TRIO: variants seen among roughly 807,000 people sequenced by gnomAD.
The protein encoded by TRIO is trio Rho guanine nucleotide exchange factor.
TRIO carries 58 observed loss-of-function variants against 351.9 expected under a neutral mutation model. The observed-to-expected ratio is 0.16, with a 90% confidence interval of 0.13 to 0.21. The LOEUF (loss-of-function observed/expected upper bound fraction) is 0.21. Ranked by LOEUF, TRIO falls within the 10% of genes least tolerant of loss-of-function variation. The probability of loss-of-function intolerance (pLI) is 1.00; values close to 1 mark genes in which losing one functional copy is unlikely to be tolerated. For missense variants in TRIO, 3,201 were observed against 4,027.8 expected, an observed-to-expected ratio of 0.79 and a Z score of 5.56; for synonymous variants, 1,758 against 1,595.7, an observed-to-expected ratio of 1.10 and a Z score of -2.42.
intron 34 of TRIO, among the ~76,000 whole-genome samples, chr5:14,453,832 G>A (rs540877963): frequency 1.3e-3 from 193 of 152,258 alleles, no homozygotes; most frequent in African/African-American, 4.5e-3. Context: ...TTAGCGATGG[G>A]GTGAAAAAGC....
chr5:14,500,855 C>T (rs1371749576), intron 53 of TRIO, among the ~76,000 whole-genome samples: 2 of 145,790 alleles, frequency 1.4e-5, no homozygotes, highest in Non-Finnish European at 3.0e-5. Flanking sequence ...CACCACTGCG[C>T]TCCATCCTGG....
chr5:14,437,388 C>T (rs1420692850), intron 34 of TRIO, among the ~76,000 whole-genome samples: 1 of 152,282 alleles, frequency 6.6e-6, no homozygotes, highest in Non-Finnish European at 1.5e-5. Context: ...TGATGTTGTT[C>T]AGCTGGGTTC....
intron 1 of TRIO, among the ~76,000 whole-genome samples, chr5:14,191,078 G>A (rs543397497): frequency 2.9e-4 from 44 of 150,970 alleles, no homozygotes; most frequent in Non-Finnish European, 5.3e-4. Flanking sequence ...TCAGTGGGAG[G>A]GACATGGGAC....
intron 1 of TRIO, among the ~76,000 whole-genome samples, chr5:14,160,046 TTCCAAC>T (rs1381328744): frequency 2.0e-5 from 3 of 152,356 alleles, no homozygotes; most frequent in Non-Finnish European, 2.9e-5. Flanking sequence ...ATACAGAGTA[TTCCAAC>T]TCAATTAAAA....
rs114507776 is a variant in TRIO at position 14,282,926 on chromosome 5, C to T, written c.347+2490C>T. On this transcript the variant is annotated intron_variant, in intron 3 of 56. Transcript: ENST00000344204. ...ATTAACATGTAAATGACGCATTTGCCGAGTGATAATGGAGAAAGATTTCAG... is the reference window on the plus strand; with the variant it reads ...ATTAACATGTAAATGACGCATTTGCTGAGTGATAATGGAGAAAGATTTCAG... 8.7e-3 allele frequency among the ~76,000 whole-genome samples: 1,329 copies of T among 152,080 alleles called. 13 individuals are homozygous for T. Among genetic ancestry groups the T allele is most frequent in the African/African-American group, 0.03 (1,250 of 41,470 alleles).
In TRIO at chr5:14,143,649, C is replaced by G; in HGVS notation, c.-77C>G. On this transcript the variant is annotated 5_prime_UTR_variant, in exon 1 of 57. Coordinates refer to ENST00000344204, the MANE Select transcript of TRIO (RefSeq NM_007118.4). The stretch of plus-strand genomic sequence containing the variant: ...AGCTGGGTGCTCGGCGCCGCCAGGC[C>G]CGGCGCGGAGCGGGCGGCACGCGGC... The G allele has an allele frequency of 1.4e-6, 1 of 704,254 alleles. No homozygotes were observed. Among genetic ancestry groups the G allele is most frequent in the Non-Finnish European group, 1.7e-6 (1 of 576,714 alleles). 43.6% of individuals were successfully genotyped at this position (704,254 alleles called of 1,614,324 possible).
chr5:14,398,807 T>G, intron 29 of TRIO, 73 bp from the exon 30 acceptor site: 1 of 1,424,094 alleles, frequency 7.0e-7, no homozygotes, highest in East Asian at 2.3e-5. Context: ...TTGAAAATAC[T>G]AATAATGCTT....
chr5:14,504,460 G>A lies in TRIO; in HGVS notation c.8479G>A (p.Val2827Met). The A allele has an allele frequency of 6.2e-7, 1 of 1,614,184 alleles. No homozygotes were observed. Among genetic ancestry groups the A allele is most frequent in the East Asian group, 2.2e-5 (1 of 44,874 alleles). ...GTKRAVATKFVNKKLMKRDQV... is the reference protein window; with the variant it reads ...GTKRAVATKFMNKKLMKRDQV... ...CAAGCGAGCAGTGGCCACTAAGTTT[G>A]TGAACAAGAAGTTGATGAAGCGCGA... Residue 2827 changes from valine (V) to methionine (M), a missense_variant, in exon 55 of 57, where the codon GTG becomes ATG. Around this residue, in one of 19 missense-constraint regions of TRIO, gnomAD observed 1,089 missense variants for 954.9 expected, o/e 1.14. Transcript: ENST00000344204.
chr5:14,315,020 A>C (rs1341599842), intron 8 of TRIO, among the ~76,000 whole-genome samples: 1 of 152,184 alleles, frequency 6.6e-6, no homozygotes, highest in Non-Finnish European at 1.5e-5. Context: ...CAACGTCTCA[A>C]ATTCAGGTAT....
chr5:14,431,905 A>T (rs2152397968), intron 34 of TRIO, among the ~76,000 whole-genome samples: 1 of 152,270 alleles, frequency 6.6e-6, no homozygotes, highest in South Asian at 2.1e-4. Flanking sequence ...CCTTTTCTGT[A>T]AGAACACCAG....
chr5:14,481,476 G>T (rs955120738), intron 44 of TRIO, 65 bp from the exon 45 acceptor site: 1 of 1,578,896 alleles, frequency 6.3e-7, no homozygotes, highest in African/African-American at 1.3e-5. Flanking sequence ...CAGGTCAGAG[G>T]GTGAGCACGT....
chr5:14,225,072 C>T (rs1170652230), intron 1 of TRIO, among the ~76,000 whole-genome samples: 1 of 152,122 alleles, frequency 6.6e-6, no homozygotes, highest in African/African-American at 2.4e-5. Context: ...ATGGTGTGCT[C>T]CTTGTGACAG....
intron 39 of TRIO, 31 bp downstream of exon 39, chr5:14,472,689 T>G (rs777179843): frequency 3.8e-5 from 61 of 1,611,296 alleles, no homozygotes; most frequent in Non-Finnish European, 4.8e-5. Context: ...AGTATCTTCG[T>G]ATCAGTTCCA....
At chr5:14,222,201 C>A in intron 1 of TRIO, among the ~76,000 whole-genome samples, 1 of 149,838 alleles carries the variant, frequency 6.7e-6, no homozygotes. Context: ...TTTTTAAAGA[C>A]AAATACTACC....
At chr5:14,337,342 A>G (rs1432687702) in intron 11 of TRIO, among the ~76,000 whole-genome samples, 4 of 152,252 alleles carry the variant, frequency 2.6e-5, no homozygotes, top group South Asian at 2.1e-4. Context: ...AGAAACTACT[A>G]TGTAGCTTCT....
chr5:14,282,730 A>G lies in TRIO; in HGVS notation c.347+2294A>G, dbSNP rs115821210. On this transcript the variant is annotated intron_variant, in intron 3 of 56. Transcript: ENST00000344204. ...CCTGGTGTATTTTATAACAAATCCC[A>G]AAGATCACATCATGTCATTCAAAAA... Among the ~76,000 whole-genome samples, 370 of 152,306 alleles carry G rather than the reference A, an allele frequency of 2.4e-3. 1 individual carries two copies. The highest frequency in any genetic ancestry group is 8.6e-3 in the African/African-American group (359 of 41,562).
Position 14,390,971 on chromosome 5 carries a change from A to G in TRIO, c.4199A>G (p.His1400Arg), listed in dbSNP as rs1235720731. The G allele has an allele frequency of 6.2e-7, 1 of 1,610,384 alleles. No homozygotes were observed. Among genetic ancestry groups the G allele is most frequent in the Non-Finnish European group, 8.5e-7 (1 of 1,178,980 alleles). Reference sequence around the variant, plus strand: ...GATTCTACTCAGCTGATATTGGAACATGCAGGGTCCTATTTTGACGTAAGT... The same window carrying G: ...GATTCTACTCAGCTGATATTGGAACGTGCAGGGTCCTATTTTGACGTAAGT... ...KPDSTQLILE[H>R]AGSYFDEIQQ... Residue 1400 changes from histidine (H) to arginine (R), a missense_variant, in exon 27 of 57, where the codon CAT becomes CGT. This residue lies in a region of TRIO where 115 missense variants were observed against 239.6 expected (regional missense o/e 0.48). Coordinates refer to ENST00000344204, the MANE Select transcript of TRIO (RefSeq NM_007118.4).
intron 1 of TRIO, among the ~76,000 whole-genome samples, chr5:14,265,950 AT>A (rs1284296255): frequency 1.3e-5 from 2 of 152,192 alleles, no homozygotes; most frequent in Non-Finnish European, 2.9e-5. Flanking sequence ...GTACTAAGGA[AT>A]TTTGGGGTTC....
chr5:14,461,556 A>G (rs762813851), intron 35 of TRIO, among the ~76,000 whole-genome samples: 41 of 152,192 alleles, frequency 2.7e-4, no homozygotes, highest in Non-Finnish European at 3.1e-4. Context: ...AACAAACAAA[A>G]CAGATCACCA....
Sources: allele counts gnomAD v4.1 joint callset (sites outside exome capture counted in the v4.1 genomes callset), GRCh38; gene constraint gnomAD v4.1.1; regional missense constraint gnomAD v4.1.1; transcripts MANE v1.5; gene names NCBI Gene and HGNC (gene_info 2026-07-23, HGNC 2026-07-21).